KIF27: variants seen among roughly 807,000 people sequenced by gnomAD.
The protein encoded by KIF27 is kinesin family member 27, also known as kinesin-like protein KIF27.
In KIF27, 84 loss-of-function variants were observed where a neutral mutation model predicts 141.8. The observed-to-expected ratio is 0.59, with a 90% CI of 0.50 to 0.71. The LOEUF (loss-of-function observed/expected upper bound fraction) is 0.71, where lower values mean the gene tolerates loss of function less well. Ranked by LOEUF, KIF27 falls within the 30% of genes least tolerant of loss-of-function variation. The pLI is 0.00. For synonymous variants in KIF27, 471 were observed against 569.5 expected, an observed-to-expected ratio of 0.83 and a Z score of 2.46; for missense variants, 1,306 against 1,628.4, an observed-to-expected ratio of 0.80 and a Z score of 3.41.
intron 13 of KIF27, among the ~76,000 whole-genome samples, chr9:83,863,983 T>C (rs2131945510): frequency 6.6e-6 from 1 of 152,334 alleles, no homozygotes; most frequent in East Asian, 1.9e-4. Flanking sequence ...TATAGTATTC[T>C]CTGATGGTAG....
chr9:83,902,664 T>C (rs1240824133), intron 4 of KIF27, among the ~76,000 whole-genome samples: 5 of 152,180 alleles, frequency 3.3e-5, no homozygotes, highest in African/African-American at 1.2e-4. Context: ...AACTTAAGTT[T>C]TATTTCCGAA....
Position 83,867,700 on chromosome 9 carries a change from T to G in KIF27, c.2918A>C (p.Lys973Thr), listed in dbSNP as rs370947696. Residue 973 changes from lysine (K) to threonine (T), a missense_variant, in exon 13 of 18, where the codon AAA (lysine) becomes ACA (threonine). Transcript: ENST00000297814. ...LQEKSHLENK[K>T]LRSSQALNTD... ...ACAGAATACCTGACTAGATCTCAATTTCTTATTTTCCAGGTGACTCTTCTC... is the reference window on the plus strand; with the variant it reads ...ACAGAATACCTGACTAGATCTCAATGTCTTATTTTCCAGGTGACTCTTCTC... 5.0e-6 allele frequency: 8 copies of G among 1,601,296 alleles called. No homozygotes were observed. Among genetic ancestry groups the G allele is most frequent in the Non-Finnish European group, 6.8e-6 (8 of 1,176,796 alleles).
chr9:83,908,594 T>C lies in KIF27; in HGVS notation c.357A>G (p.Gln119=), dbSNP rs767416065. 1 of 1,612,452 alleles carries C rather than the reference T, an allele frequency of 6.2e-7. No individual in the cohort carries two copies. Among genetic ancestry groups the C allele is most frequent in the Non-Finnish European group, 8.5e-7 (1 of 1,178,950 alleles). Reference sequence around the variant, plus strand: ...CAATGCTAGGATGTTCAGAGATGCTTTGAAATATTTCTTGAATAGCTCGAG... The same window carrying C: ...CAATGCTAGGATGTTCAGAGATGCTCTGAAATATTTCTTGAATAGCTCGAG... The part of the protein sequence containing the change: ...IIPRAIQEIF[Q]SISEHPSIDF... The change falls in exon 3 of 18, where the codon CAA becomes CAG. Residue 119 remains glutamine, a synonymous_variant. Coordinates refer to ENST00000297814, the MANE Select transcript of KIF27 (RefSeq NM_017576.4).
At chr9:83,902,380 C>T (rs1001451853) in intron 4 of KIF27, among the ~76,000 whole-genome samples, 2 of 152,168 alleles carry the variant, frequency 1.3e-5, no homozygotes, top group African/African-American at 4.8e-5. Context: ...CCCAAGCAAG[C>T]AGTAACTAGG....
chr9:83,844,869 GAA>G (rs1219085253), intron 16 of KIF27, among the ~76,000 whole-genome samples: 1 of 152,216 alleles, frequency 6.6e-6, no homozygotes, highest in Non-Finnish European at 1.5e-5. Context: ...CTACAACCAA[GAA>G]AGAGGCACAA....
intron 1 of KIF27, among the ~76,000 whole-genome samples, chr9:83,921,139 T>A (rs1202087571): frequency 6.6e-6 from 1 of 151,196 alleles, no homozygotes; most frequent in Non-Finnish European, 1.5e-5. Context: ...GCTCGCCGGC[T>A]CCCAGCCCCG....
chr9:83,889,354 G>C (rs1444925120), intron 6 of KIF27, 101 bp from the exon 7 acceptor site: 1 of 999,890 alleles, frequency 1.0e-6, no homozygotes, highest in African/African-American at 1.6e-5. Flanking sequence ...TATTAGATTG[G>C]CACTCTTAAA....
At chr9:83,871,190 G>C (rs1053985261) in intron 11 of KIF27, among the ~76,000 whole-genome samples, 3 of 151,788 alleles carry the variant, frequency 2.0e-5, no homozygotes, top group African/African-American at 7.3e-5. Context: ...TAAAGTTCTG[G>C]GATTATAGGC....
chr9:83,867,628 G>C (rs1950478190), intron 13 of KIF27, 56 bp downstream of exon 13: 3 of 1,496,976 alleles, frequency 2.0e-6, no homozygotes, highest in Admixed American at 2.4e-5. Context: ...AGCCATCCTA[G>C]TGGGGAGTAG....
intron 3 of KIF27, among the ~76,000 whole-genome samples, chr9:83,907,221 C>T (rs866968594): frequency 2.8e-4 from 42 of 151,056 alleles, no homozygotes; most frequent in Non-Finnish European, 4.9e-4. Flanking sequence ...ACCCGGGAGG[C>T]GGAGCTTGCA....
chr9:83,850,922 C>CCG (rs1948506601), intron 15 of KIF27, among the ~76,000 whole-genome samples: 1 of 140,630 alleles, frequency 7.1e-6, no homozygotes, highest in Non-Finnish European at 1.5e-5. Flanking sequence ...ACTGCAAGCT[C>CCG]CGCCTCCCGG....
At chr9:83,914,493 T>G (rs573635180) in intron 2 of KIF27, among the ~76,000 whole-genome samples, 1 of 152,278 alleles carries the variant, frequency 6.6e-6, no homozygotes, top group South Asian at 2.1e-4. Flanking sequence ...TTTTTTATTT[T>G]TTTATTGTTT....
chr9:83,889,930 AAAC>A (rs1179433323), intron 6 of KIF27, among the ~76,000 whole-genome samples: 64 of 152,346 alleles, frequency 4.2e-4, no homozygotes, highest in African/African-American at 1.5e-3. Context: ...TGACCTTGGA[AAAC>A]AACAACAATA....
chr9:83,850,715 G>A lies in KIF27; in HGVS notation c.3358-418C>T, dbSNP rs190398464. Among the ~76,000 whole-genome samples the A allele has an allele frequency of 2.5e-3, 377 of 151,052 alleles. 2 individuals are homozygous for A. Among genetic ancestry groups the A allele is most frequent in the Non-Finnish European group, 3.8e-3 (259 of 67,736 alleles). ...GGAGAATGGCTTGAACCTGGGAGGC[G>A]GAGTCTGCAGTGGAGCCAAGATCGC... is the stretch of plus-strand genomic sequence containing the variant. On this transcript the variant is annotated intron_variant, in intron 15 of 17. Transcript: ENST00000297814.
chr9:83,910,494 G>A (rs1463124939), intron 2 of KIF27, among the ~76,000 whole-genome samples: 1 of 152,212 alleles, frequency 6.6e-6, no homozygotes, highest in South Asian at 2.1e-4. Context: ...GTCACCAAGT[G>A]TATCTGTTCT....
intron 5 of KIF27, chr9:83,898,630 T>C (rs1953514203): frequency 6.6e-6 from 1 of 152,186 alleles, no homozygotes; most frequent in South Asian, 2.1e-4. Context: ...TTGTTTTGTA[T>C]ATACTTTAGT....
Position 83,903,755 on chromosome 9 carries a change from C to G in KIF27, c.763G>C (p.Gly255Arg). ...TCTTTGAACCGTTCACCAGTATTCC[C>G]CGTTTTGGTTACTCTTTCTGATCCT... Reference protein sequence around the residue: ...LAGSERVTKTGNTGERFKESI... With the variant: ...LAGSERVTKTRNTGERFKESI... The change falls in exon 4 of 18, where the codon GGG becomes CGG. Residue 255 changes from glycine to arginine, a missense_variant. Physicochemically the swap from Gly to Arg is moderately radical, Grantham distance 125 (BLOSUM62 -2). Around this residue, in one of 4 missense-constraint regions of KIF27, gnomAD observed 533 missense variants for 565.6 expected, o/e 0.94. Transcript: ENST00000297814. The G allele has an allele frequency of 6.2e-7, 1 of 1,614,174 alleles. No homozygotes were observed. Among genetic ancestry groups the G allele is most frequent in the Non-Finnish European group, 8.5e-7 (1 of 1,180,032 alleles).
chr9:83,921,169 C>A (rs1387391074), intron 1 of KIF27, among the ~76,000 whole-genome samples: 1 of 151,920 alleles, frequency 6.6e-6, no homozygotes, highest in Admixed American at 6.5e-5. Context: ...CCCTCGGACG[C>A]CCCCATAGGC....
chr9:83,838,293 G>C (rs560291024), intron 17 of KIF27, among the ~76,000 whole-genome samples: 1 of 152,172 alleles, frequency 6.6e-6, no homozygotes, highest in East Asian at 1.9e-4. Flanking sequence ...GAGTGCAGTG[G>C]CGTGATCTCG....
Sources: gnomAD v4.1 joint callset for allele counts (sites outside exome capture counted in the v4.1 genomes callset) on GRCh38, gnomAD v4.1.1 for gene constraint, gnomAD v4.1.1 regional missense constraint, MANE v1.5 for transcripts, NCBI Gene and HGNC (gene_info 2026-07-23, HGNC 2026-07-21) for gene names.